Variants in PSMB7 observed in about 807,000 individuals in gnomAD.
PSMB7 encodes the protein proteasome 20S subunit beta 7, also known as proteasome subunit beta type-7.
PSMB7 carries 5 observed loss-of-function variants against 28.1 expected under a neutral mutation model. That is an observed-to-expected ratio of 0.18 (90% CI 0.09 to 0.37). The LOEUF (loss-of-function observed/expected upper bound fraction) is 0.37, where lower values mean the gene tolerates loss of function less well. PSMB7 is among the 10% of genes least tolerant of loss of function. PSMB7 has a pLI of 1.00. For missense variants in PSMB7, 275 were observed against 346.2 expected, an observed-to-expected ratio of 0.79 and a Z score of 1.63; for synonymous variants, 122 against 123.7, an observed-to-expected ratio of 0.99 and a Z score of 0.09.
chr9:124,401,912 G>A (rs571800160), intron 5 of PSMB7, among the ~76,000 whole-genome samples: 27 of 151,924 alleles, frequency 1.8e-4, no homozygotes, highest in African/African-American at 6.3e-4. Context: ...CCAGCTACTC[G>A]GGAGGCTGAG....
chr9:124,364,034 C>T (rs1830486195), intron 6 of PSMB7, among the ~76,000 whole-genome samples: 1 of 152,094 alleles, frequency 6.6e-6, no homozygotes, highest in Non-Finnish European at 1.5e-5. Flanking sequence ...AGAAATGACC[C>T]CAACACAGCA....
chr9:124,370,896 C>T (rs1165941641), intron 6 of PSMB7, among the ~76,000 whole-genome samples: 2 of 152,184 alleles, frequency 1.3e-5, no homozygotes, highest in East Asian at 3.8e-4. Context: ...TAATTTTCCA[C>T]AGAGCTAATA....
At chr9:124,392,908 C>G (rs1282360941) in intron 5 of PSMB7, among the ~76,000 whole-genome samples, 1 of 152,172 alleles carries the variant, frequency 6.6e-6, no homozygotes. Flanking sequence ...ATGTATGCGG[C>G]GATAACAGAG....
chr9:124,401,597 T>A (rs554518728), intron 5 of PSMB7, among the ~76,000 whole-genome samples: 1 of 152,286 alleles, frequency 6.6e-6, no homozygotes, highest in Non-Finnish European at 1.5e-5. Context: ...CTCCCTTGGG[T>A]CCCCTCCTGC....
intron 4 of PSMB7, among the ~76,000 whole-genome samples, chr9:124,411,188 T>G (rs998398771): frequency 1.3e-5 from 2 of 152,078 alleles, no homozygotes; most frequent in Admixed American, 6.5e-5. Context: ...GCCAGGCTGG[T>G]CTCGAACTCC....
chr9:124,393,375 A>G lies in PSMB7; in HGVS notation c.512-8719T>C, dbSNP rs144678339. Among the ~76,000 whole-genome samples the G allele has an allele frequency of 8.1e-4, 123 of 152,348 alleles. 2 individuals carry two copies. The East Asian group carries it at 0.022, about 27-fold the overall frequency. On this transcript the variant is annotated intron_variant, in intron 5 of 7. Transcript: ENST00000259457. The stretch of plus-strand genomic sequence containing the variant: ...AGATTTGTCCTTTGTCAGCATAAAC[A>G]GTTTAATTTGATGTTTTCACTCCTG...
chr9:124,382,225 TG>T (rs779060830), intron 6 of PSMB7, among the ~76,000 whole-genome samples: 22,703 of 105,040 alleles, frequency 0.22, 3,233 homozygotes, highest in South Asian at 0.29. Context: ...TTTTTTTTTT[TG>T]AGACAAAGTC....
chr9:124,372,629 T>C (rs1830574106), intron 6 of PSMB7, among the ~76,000 whole-genome samples: 1 of 152,202 alleles, frequency 6.6e-6, no homozygotes, highest in Non-Finnish European at 1.5e-5. Context: ...TAAGTCACAC[T>C]TTCTAAAATT....
intron 6 of PSMB7, among the ~76,000 whole-genome samples, chr9:124,366,380 C>T (rs1032721898): frequency 3.9e-5 from 6 of 152,154 alleles, no homozygotes; most frequent in African/African-American, 1.4e-4. Flanking sequence ...CCAACCTGGG[C>T]AAGACTCTGT....
chr9:124,371,474 A>G (rs938466093), intron 6 of PSMB7, among the ~76,000 whole-genome samples: 5 of 152,200 alleles, frequency 3.3e-5, no homozygotes, highest in Non-Finnish European at 4.4e-5. Flanking sequence ...CCACTGTTCA[A>G]TAAGTGGTTA....
intron 5 of PSMB7, among the ~76,000 whole-genome samples, chr9:124,403,745 C>A (rs1284610108): frequency 6.6e-6 from 1 of 152,092 alleles, no homozygotes; most frequent in African/African-American, 2.4e-5. Flanking sequence ...AAATCAAATA[C>A]CCCAATCCCT....
chr9:124,384,407 AG>A (rs1434974096), intron 6 of PSMB7, among the ~76,000 whole-genome samples, 190 bp downstream of exon 6: 1 of 152,220 alleles, frequency 6.6e-6, no homozygotes, highest in Non-Finnish European at 1.5e-5. Context: ...CTCAAGCCCA[AG>A]GAAGGGCACA....
chr9:124,386,672 G>A (rs1383728483), intron 5 of PSMB7, among the ~76,000 whole-genome samples: 2 of 152,260 alleles, frequency 1.3e-5, no homozygotes, highest in South Asian at 2.1e-4. Context: ...TTTAAAAAAG[G>A]ACAGGGAGAA....
At position 124,400,577 on chromosome 9, in the gene PSMB7, G is replaced by A. The variant is rs76791347; in HGVS notation, c.511+4740C>T. Among the ~76,000 whole-genome samples the A allele has an allele frequency of 3.5e-3, 528 of 152,306 alleles. 2 individuals are homozygous for A. The highest frequency in any genetic ancestry group is 0.011 in the African/African-American group (467 of 41,562). ...AGGGATGGCAGGAAGGCTCAGTTCT[G>A]TGGCAGCCAGGGTCCGGCACCAGCT... On this transcript the variant is annotated intron_variant, in intron 5 of 7. Coordinates refer to ENST00000259457, the MANE Select transcript of PSMB7 (RefSeq NM_002799.4).
At chr9:124,362,443 G>A (rs192343675) in intron 6 of PSMB7, among the ~76,000 whole-genome samples, 3 of 152,316 alleles carry the variant, frequency 2.0e-5, no homozygotes, top group Admixed American at 6.5e-5. Context: ...GCAAGAATGC[G>A]GATGGCATCA....
intron 5 of PSMB7, chr9:124,396,774 A>T (rs1263579015): frequency 2.1e-6 from 1 of 471,176 alleles, no homozygotes; most frequent in Admixed American, 2.3e-5. Context: ...TACAAGGAAC[A>T]CTGCCAAGCT....
At chr9:124,386,740 A>G (rs937688056) in intron 5 of PSMB7, among the ~76,000 whole-genome samples, 8 of 152,228 alleles carry the variant, frequency 5.3e-5, no homozygotes, top group Non-Finnish European at 1.0e-4. Context: ...ATTGTTAAAA[A>G]AGAAAAACAA....
intron 6 of PSMB7, among the ~76,000 whole-genome samples, chr9:124,357,730 G>T (rs528681093): frequency 5.5e-4 from 84 of 152,222 alleles, no homozygotes; most frequent in Non-Finnish European, 1.1e-3. Flanking sequence ...TATACCAGAA[G>T]CTAGGGCTGC....
chr9:124,409,633 G>T (rs771181881), intron 4 of PSMB7, among the ~76,000 whole-genome samples: 16 of 152,352 alleles, frequency 1.1e-4, no homozygotes, highest in Admixed American at 2.6e-4. Flanking sequence ...TTTTCAGACT[G>T]AATTTTACGG....
Sources: allele counts gnomAD v4.1 joint callset (sites outside exome capture counted in the v4.1 genomes callset), GRCh38; gene constraint gnomAD v4.1.1; transcripts MANE v1.5; gene names NCBI Gene and HGNC (gene_info 2026-07-23, HGNC 2026-07-21).